The following ADGRL3 variants were observed in gnomAD, a reference collection of about 807,000 sequenced individuals.
ADGRL3 encodes the protein calcium-independent alpha-latrotoxin receptor 3.
Under a neutral mutation model 153.5 loss-of-function variants are expected in ADGRL3, and 62 were observed. The observed-to-expected ratio is 0.40, with a 90% CI of 0.33 to 0.50. ADGRL3 has a LOEUF of 0.50. Among genes scored for constraint, ADGRL3 ranks in the 20% least tolerant of loss-of-function variants. The pLI is 0.47. For synonymous variants in ADGRL3, 710 were observed against 672.5 expected, an observed-to-expected ratio of 1.06 and a Z score of -0.86; for missense variants, 1,641 against 1,859.4, an observed-to-expected ratio of 0.88 and a Z score of 2.16.
At chr4:61,265,353 C>G (rs535934920) in intron 1 of ADGRL3, among the ~76,000 whole-genome samples, 1 of 151,918 alleles carries the variant, frequency 6.6e-6, no homozygotes, top group Non-Finnish European at 1.5e-5. Flanking sequence ...CTGACTTTTC[C>G]CATGCTCCAT....
chr4:62,052,303 C>A (rs2151770470), intron 25 of ADGRL3, among the ~76,000 whole-genome samples: 1 of 151,496 alleles, frequency 6.6e-6, no homozygotes, highest in Non-Finnish European at 1.5e-5. Flanking sequence ...TTCAAAGTGA[C>A]CTTTATTTTT....
Position 61,826,242 on chromosome 4 carries a change from G to A in ADGRL3, c.1480+12353G>A, listed in dbSNP as rs193221803. On this transcript the variant is annotated intron_variant, in intron 9 of 26. Coordinates refer to ENST00000683033, the MANE Select transcript of ADGRL3 (RefSeq NM_001387552.1). Reference sequence around the variant, plus strand: ...CTAGGGAGGTGACCATTGAGCTGAAGCATGAAGAATGAAAGTGAGTTGGCC... The same window carrying A: ...CTAGGGAGGTGACCATTGAGCTGAAACATGAAGAATGAAAGTGAGTTGGCC... Among the ~76,000 whole-genome samples the A allele has an allele frequency of 1.4e-4, 21 of 152,282 alleles. No homozygotes were observed. In the East Asian group the frequency reaches 3.9e-3, roughly 28 times the overall value.
chr4:62,039,228 A>G (rs1286951188), intron 24 of ADGRL3, among the ~76,000 whole-genome samples: 2 of 152,154 alleles, frequency 1.3e-5, no homozygotes, highest in Non-Finnish European at 2.9e-5. Flanking sequence ...TTCAAATATC[A>G]TTTATAAATT....
rs150461969 is a variant in ADGRL3 at position 61,589,492 on chromosome 4, TACAA to T, written c.473+2056_473+2059del. On this transcript the variant is annotated intron_variant, in intron 5 of 26. Coordinates refer to ENST00000683033, the MANE Select transcript of ADGRL3 (RefSeq NM_001387552.1). ...TATGGTATGGACATCATACTAATGG[TACAA>T]ACAGTTTAAATAGATTAAAGCATTT... Among the ~76,000 whole-genome samples the T allele has an allele frequency of 4.3e-3, 662 of 152,236 alleles. 3 individuals carry two copies. The highest frequency in any genetic ancestry group is 0.015 in the African/African-American group (626 of 41,576).
intron 1 of ADGRL3, among the ~76,000 whole-genome samples, chr4:61,268,509 T>G (rs916440121): frequency 6.6e-6 from 1 of 151,602 alleles, no homozygotes; most frequent in African/African-American, 2.4e-5. Context: ...CAGCCATTTA[T>G]TTGAGGTAAA....
At chr4:61,560,075 T>C (rs940521290) in intron 4 of ADGRL3, among the ~76,000 whole-genome samples, 3 of 152,106 alleles carry the variant, frequency 2.0e-5, no homozygotes, top group African/African-American at 7.2e-5. Flanking sequence ...TATGCCTTAC[T>C]CCTTTTCTGA....
At chr4:61,582,923 G>A (rs938236399) in intron 4 of ADGRL3, among the ~76,000 whole-genome samples, 1 of 151,852 alleles carries the variant, frequency 6.6e-6, no homozygotes, top group Non-Finnish European at 1.5e-5. Flanking sequence ...CACTCACTTA[G>A]CTACTTTATA....
At chr4:61,422,744 AC>A (rs1250426597) in intron 2 of ADGRL3, among the ~76,000 whole-genome samples, 1 of 151,974 alleles carries the variant, frequency 6.6e-6, no homozygotes, top group Non-Finnish European at 1.5e-5. Context: ...GTTTTCACTT[AC>A]ATAAAATAAT....
rs1469018886 is a variant in ADGRL3 at position 62,074,200 on chromosome 4, A to C, written c.*3292A>C. On this transcript the variant is annotated 3_prime_UTR_variant, in exon 27 of 27. Transcript: ENST00000683033. Reference sequence around the variant, plus strand: ...GTGTTCATCTGAATTTCCAGTAAGAAGTAAATTTCCGTCAAACAGATGTAG... The same window carrying C: ...GTGTTCATCTGAATTTCCAGTAAGACGTAAATTTCCGTCAAACAGATGTAG... The C allele has an allele frequency of 6.6e-6, 1 of 152,148 alleles. No homozygotes were observed. The highest frequency in any genetic ancestry group is 1.5e-5 in the Non-Finnish European group (1 of 68,016). 9.4% of individuals were successfully genotyped at this position (152,148 alleles called of 1,614,324 possible).
At position 61,863,094 on chromosome 4, in the gene ADGRL3, A is replaced by G. The variant is rs926317266; in HGVS notation, c.1481-29562A>G. 1.4e-4 allele frequency among the ~76,000 whole-genome samples: 22 copies of G among 152,298 alleles called. 1 individual carries two copies. Among genetic ancestry groups the G allele is most frequent in the African/African-American group, 5.1e-4 (21 of 41,564 alleles). Reference sequence around the variant, plus strand: ...GTGTGACTCCTCTCTGAGAAGTGCTAGTGGAACCAGATGAACAATGTGATC... The same window carrying G: ...GTGTGACTCCTCTCTGAGAAGTGCTGGTGGAACCAGATGAACAATGTGATC... On this transcript the variant is annotated intron_variant, in intron 9 of 26. Coordinates refer to ENST00000683033, the MANE Select transcript of ADGRL3 (RefSeq NM_001387552.1).
intron 6 of ADGRL3, among the ~76,000 whole-genome samples, chr4:61,714,402 C>T (rs1049546091): frequency 6.6e-6 from 1 of 152,072 alleles, no homozygotes; most frequent in Non-Finnish European, 1.5e-5. Flanking sequence ...ACATATTTAG[C>T]AGATGCCTCT....
intron 6 of ADGRL3, among the ~76,000 whole-genome samples, chr4:61,715,883 C>T (rs1387598958): frequency 7.1e-6 from 1 of 141,738 alleles, no homozygotes; most frequent in Non-Finnish European, 1.5e-5. Flanking sequence ...AAGCCATTTT[C>T]ATAACCATCT....
chr4:61,369,213 C>G (rs2151662978), intron 1 of ADGRL3, among the ~76,000 whole-genome samples: 1 of 152,242 alleles, frequency 6.6e-6, no homozygotes. Flanking sequence ...TAATTGAATA[C>G]CCTTTATTTC....
chr4:61,299,164 C>G (rs1405399437), intron 1 of ADGRL3, among the ~76,000 whole-genome samples: 4 of 152,094 alleles, frequency 2.6e-5, no homozygotes, highest in Admixed American at 6.6e-5. Context: ...TCTTCCCCCC[C>G]TTTTCTGTGA....
At chr4:61,853,092 G>C (rs963197644) in intron 9 of ADGRL3, among the ~76,000 whole-genome samples, 18 of 151,686 alleles carry the variant, frequency 1.2e-4, no homozygotes, top group Non-Finnish European at 2.2e-4. Context: ...ATCTCGGGTC[G>C]CTGCAACCAC....
At chr4:61,640,348 C>T (rs977019542) in intron 5 of ADGRL3, among the ~76,000 whole-genome samples, 4 of 152,174 alleles carry the variant, frequency 2.6e-5, no homozygotes, top group Non-Finnish European at 5.9e-5. Context: ...CCAGAGACAT[C>T]TGCCCTCTAT....
chr4:61,724,409 G>A (rs1383844531), intron 6 of ADGRL3, among the ~76,000 whole-genome samples: 1 of 152,098 alleles, frequency 6.6e-6, no homozygotes, highest in Non-Finnish European at 1.5e-5. Context: ...AAAATAAAAG[G>A]CCATCCCAGT....
intron 22 of ADGRL3, 85 bp downstream of exon 22, chr4:62,028,966 T>G: frequency 8.3e-7 from 1 of 1,204,000 alleles, no homozygotes; most frequent in Non-Finnish European, 1.2e-6. Flanking sequence ...GAAAAATCAT[T>G]AGAGCTTCTG....
At chr4:62,045,054 A>G (rs1443508971) in intron 25 of ADGRL3, among the ~76,000 whole-genome samples, 4 of 152,100 alleles carry the variant, frequency 2.6e-5, no homozygotes, top group Non-Finnish European at 5.9e-5. Flanking sequence ...AGGAGAAAAG[A>G]TACTTTTGGG....
Sources: allele counts gnomAD v4.1 joint callset (sites outside exome capture counted in the v4.1 genomes callset), GRCh38; gene constraint gnomAD v4.1.1; transcripts MANE v1.5; gene names NCBI Gene and HGNC (gene_info 2026-07-23, HGNC 2026-07-21).